The following PIEZO2 variants were observed in gnomAD, a reference collection of about 807,000 sequenced individuals.
PIEZO2 encodes piezo-type mechanosensitive ion channel component 2.
Under a neutral mutation model 337.3 loss-of-function variants are expected in PIEZO2, and 172 were observed. The observed-to-expected ratio is 0.51, with a 90% confidence interval of 0.45 to 0.58. The LOEUF (loss-of-function observed/expected upper bound fraction) is 0.58. Among genes scored for constraint, PIEZO2 ranks in the 20% least tolerant of loss-of-function variants. The probability of loss-of-function intolerance (pLI) is 0.00; values close to 1 mark genes in which losing one functional copy is unlikely to be tolerated. For missense variants in PIEZO2, 3,028 were observed against 3,391.3 expected, an observed-to-expected ratio of 0.89 and a Z score of 2.66; for synonymous variants, 1,251 against 1,228.5, an observed-to-expected ratio of 1.02 and a Z score of -0.38.
At position 10,833,462 on chromosome 18, in the gene PIEZO2, AAGGTGGCAGAACATGCAGGC is replaced by A. The variant is rs1467288950; in HGVS notation, c.917+21871_917+21890del. ...CCTGGAATCTCCTGGGGCGGGGCTG[AAGGTGGCAGAACATGCAGGC>A]AGCTCGCTCCCCGGTGGGTTTTTAT... On this transcript the variant is annotated intron_variant, in intron 7 of 55. Coordinates refer to ENST00000674853, the MANE Select transcript of PIEZO2 (RefSeq NM_001378183.1). The surrounding 1 kb of genome is among the most constrained non-coding windows in gnomAD (Gnocchi z 4.7). Among the ~76,000 whole-genome samples, 1 of 152,120 alleles carries A rather than the reference AAGGTGGCAGAACATGCAGGC, an allele frequency of 6.6e-6. No homozygotes were observed. The highest frequency in any genetic ancestry group is 1.5e-5 in the Non-Finnish European group (1 of 68,020).
In PIEZO2 at chr18:11,009,931, C is replaced by A. The variant is rs1198239279; in HGVS notation, c.161-30271G>T. Among the ~76,000 whole-genome samples the A allele has an allele frequency of 6.6e-6, 1 of 152,126 alleles. No homozygotes were observed. Among genetic ancestry groups the A allele is most frequent in the African/African-American group, 2.4e-5 (1 of 41,430 alleles). On this transcript the variant is annotated intron_variant, in intron 2 of 55. Transcript: ENST00000674853. This position sits in a 1 kb window ranked among gnomAD's most constrained non-coding sequence, Gnocchi z 4.6. ...CAGGAGAAACCAAGCCTCAAGACAC[C>A]TTGATCTCAAATATCCAGCCTCCAG... is the stretch of plus-strand genomic sequence containing the variant.
chr18:10,691,459 A>T (rs2034823413), intron 47 of PIEZO2, 76 bp from the exon 48 acceptor site: 9 of 1,432,008 alleles, frequency 6.3e-6, no homozygotes, highest in Admixed American at 3.9e-5. Context: ...TCAAATTAAA[A>T]CAACAGGCCA....
intron 3 of PIEZO2, among the ~76,000 whole-genome samples, chr18:10,955,104 G>T (rs140617371): frequency 1.3e-5 from 2 of 152,228 alleles, no homozygotes; most frequent in East Asian, 1.9e-4. Flanking sequence ...AGATGTGGGG[G>T]TCGCTTTACT....
At chr18:10,939,344 T>C (rs1328095017) in intron 3 of PIEZO2, among the ~76,000 whole-genome samples, 1 of 145,050 alleles carries the variant, frequency 6.9e-6, no homozygotes, top group African/African-American at 2.5e-5. Context: ...TCAACCATTG[T>C]GGAAGACAGT....
chr18:10,963,230 A>G (rs1257643005), intron 3 of PIEZO2, among the ~76,000 whole-genome samples: 1 of 151,998 alleles, frequency 6.6e-6, no homozygotes, highest in African/African-American at 2.4e-5. Context: ...GGTTGCAGTG[A>G]GCTGAGACTG....
intron 3 of PIEZO2, among the ~76,000 whole-genome samples, chr18:10,913,398 G>A (rs776640010): frequency 1.3e-5 from 2 of 152,152 alleles, no homozygotes; most frequent in African/African-American, 2.4e-5. Flanking sequence ...TCCCCGGAGG[G>A]AAGGATTGGA....
chr18:10,700,761 A>G (rs1218431043), intron 43 of PIEZO2, among the ~76,000 whole-genome samples: 1 of 152,230 alleles, frequency 6.6e-6, no homozygotes, highest in Non-Finnish European at 1.5e-5. Flanking sequence ...TTCATAACAA[A>G]AATCAGTATA....
chr18:10,801,883 G>A (rs545806740), intron 9 of PIEZO2, among the ~76,000 whole-genome samples: 3 of 152,088 alleles, frequency 2.0e-5, no homozygotes, highest in Non-Finnish European at 2.9e-5. Flanking sequence ...CCAGGGGATC[G>A]AGACCATCCT....
chr18:10,755,133 G>A (rs146853030), intron 27 of PIEZO2, among the ~76,000 whole-genome samples: 334 of 152,304 alleles, frequency 2.2e-3, no homozygotes, highest in African/African-American at 7.4e-3. Flanking sequence ...CAACACTTTA[G>A]AAGTGGGGAT....
intron 39 of PIEZO2, among the ~76,000 whole-genome samples, chr18:10,712,336 G>A (rs1366764159): frequency 2.6e-5 from 4 of 152,190 alleles, no homozygotes; most frequent in Non-Finnish European, 4.4e-5. Context: ...GTAACATGGA[G>A]CTAGACACGG....
rs377519822 is a variant in PIEZO2 at position 10,735,349 on chromosome 18, CA to C, written c.4816-20del. Among the ~76,000 whole-genome samples, 4 of 152,240 alleles carry C rather than the reference CA, an allele frequency of 2.6e-5. No homozygotes were observed. Among genetic ancestry groups the C allele is most frequent in the African/African-American group, 9.6e-5 (4 of 41,548 alleles). ...TAGCTCTCTACAAAGAAGGACAAAG[CA>C]AGAGTAATTAGTAGAAAAAACCAAA... On this transcript the variant is annotated intron_variant, in intron 34 of 55. Coordinates refer to ENST00000674853, the MANE Select transcript of PIEZO2 (RefSeq NM_001378183.1).
intron 27 of PIEZO2, among the ~76,000 whole-genome samples, chr18:10,756,791 G>C (rs1367882494): frequency 1.4e-5 from 2 of 147,430 alleles, no homozygotes; most frequent in Admixed American, 1.4e-4. Flanking sequence ...GATTAGGAGG[G>C]GGGATGGAGA....
chr18:10,822,683 C>T (rs1459790690), intron 7 of PIEZO2, among the ~76,000 whole-genome samples: 1 of 152,100 alleles, frequency 6.6e-6, no homozygotes, highest in African/African-American at 2.4e-5. Flanking sequence ...CAGCAGGAGC[C>T]GGCTCACCAC....
rs1376317046 is a variant in PIEZO2 at position 10,794,347 on chromosome 18, G to T, written c.1758+425C>A. 1.3e-5 allele frequency among the ~76,000 whole-genome samples: 2 copies of T among 152,126 alleles called. No homozygotes were observed. The highest frequency in any genetic ancestry group is 1.3e-4 in the Admixed American group (2 of 15,268). ...TAAAAATGTTCTTTAGGAAAGAATT[G>T]GAGAAAAACGTCATGAATAATCAAT... On this transcript the variant is annotated intron_variant, in intron 13 of 55. Coordinates refer to ENST00000674853, the MANE Select transcript of PIEZO2 (RefSeq NM_001378183.1). This position sits in a 1 kb window ranked among gnomAD's most constrained non-coding sequence, Gnocchi z 6.6.
intron 1 of PIEZO2, among the ~76,000 whole-genome samples, chr18:11,117,067 C>T (rs1016152617): frequency 6.6e-6 from 1 of 152,186 alleles, no homozygotes; most frequent in African/African-American, 2.4e-5. Context: ...CGAGACTCCA[C>T]TGCACTCTAG....
At chr18:10,865,774 T>G (rs1418319726) in intron 5 of PIEZO2, among the ~76,000 whole-genome samples, 1 of 152,204 alleles carries the variant, frequency 6.6e-6, no homozygotes, top group Non-Finnish European at 1.5e-5. Flanking sequence ...CTGAGATTCC[T>G]TGAGTGATGC....
intron 1 of PIEZO2, among the ~76,000 whole-genome samples, chr18:11,136,847 T>C (rs58142434): frequency 0.017 from 2,555 of 152,346 alleles, 70 homozygotes; most frequent in African/African-American, 0.058. Flanking sequence ...GTCAATGTAA[T>C]ACTGCAACTG....
intron 7 of PIEZO2, among the ~76,000 whole-genome samples, chr18:10,816,081 G>C (rs1366841201): frequency 6.6e-6 from 1 of 152,190 alleles, no homozygotes; most frequent in Non-Finnish European, 1.5e-5. Context: ...CTGCCTAGCA[G>C]ACACCTAAGT....
chr18:10,951,106 C>T (rs1265166982), intron 3 of PIEZO2, among the ~76,000 whole-genome samples: 1 of 152,182 alleles, frequency 6.6e-6, no homozygotes, highest in Non-Finnish European at 1.5e-5. Context: ...TAACCCGAAA[C>T]TGGTTTTATC....
Sources: allele counts gnomAD v4.1 joint callset (sites outside exome capture counted in the v4.1 genomes callset), GRCh38; gene constraint gnomAD v4.1.1; non-coding constraint Gnocchi (gnomAD v3.1); transcripts MANE v1.5; gene names NCBI Gene and HGNC (gene_info 2026-07-23, HGNC 2026-07-21).